The following GPM6A variants were observed in gnomAD, a reference collection of about 807,000 sequenced individuals.
The protein encoded by GPM6A is glycoprotein M6A, also known as neuronal membrane glycoprotein M6-a.
GPM6A carries 7 observed loss-of-function variants against 32.1 expected under a neutral mutation model. That is an observed-to-expected ratio of 0.22 (90% CI 0.12 to 0.41). The LOEUF is 0.41. Among genes scored for constraint, GPM6A ranks in the 10% least tolerant of loss-of-function variants. GPM6A has a pLI of 1.00. For synonymous variants in GPM6A, 130 were observed against 123.4 expected, an observed-to-expected ratio of 1.05 and a Z score of -0.35; for missense variants, 235 against 347.2, an observed-to-expected ratio of 0.68 and a Z score of 2.57.
chr4:175,918,964 G>A (rs1280459757), intron 1 of GPM6A, among the ~76,000 whole-genome samples: 1 of 151,852 alleles, frequency 6.6e-6, no homozygotes, highest in African/African-American at 2.4e-5. Context: ...TATGGAGAAA[G>A]ATTTTTATAT....
intron 4 of GPM6A, among the ~76,000 whole-genome samples, chr4:175,644,202 C>G (rs980846062): frequency 6.9e-5 from 10 of 145,860 alleles, no homozygotes; most frequent in Admixed American, 2.8e-4. Flanking sequence ...CGGCTCACTG[C>G]AAGCTCCGCT....
At chr4:175,786,147 G>A (rs1308142868) in intron 1 of GPM6A, among the ~76,000 whole-genome samples, 1 of 152,066 alleles carries the variant, frequency 6.6e-6, no homozygotes, top group African/African-American at 2.4e-5. Flanking sequence ...ACTTAAAAGT[G>A]CTAGGTGTTT....
intron 2 of GPM6A, among the ~76,000 whole-genome samples, chr4:175,687,201 C>T (rs988893499): frequency 6.6e-6 from 1 of 151,850 alleles, no homozygotes; most frequent in Non-Finnish European, 1.5e-5. Flanking sequence ...GGGATTTACT[C>T]TCTTAACATA....
intron 1 of GPM6A, among the ~76,000 whole-genome samples, chr4:175,913,520 T>C (rs1012259254): frequency 3.3e-5 from 5 of 152,208 alleles, no homozygotes; most frequent in African/African-American, 1.2e-4. Context: ...AGTCCAATCC[T>C]TGCACTAGCC....
chr4:175,769,635 C>T (rs191627721), intron 1 of GPM6A, among the ~76,000 whole-genome samples: 32 of 152,080 alleles, frequency 2.1e-4, no homozygotes, highest in African/African-American at 1.2e-4. Flanking sequence ...CATTAGATTG[C>T]GAGAGGAGCC....
chr4:175,719,085 T>C (rs1440528411), intron 1 of GPM6A, among the ~76,000 whole-genome samples: 1 of 152,222 alleles, frequency 6.6e-6, no homozygotes, highest in Non-Finnish European at 1.5e-5. Context: ...TAATGCAATC[T>C]GGCTTTTTAG....
intron 1 of GPM6A, among the ~76,000 whole-genome samples, chr4:175,724,198 C>G (rs1746285499): frequency 6.6e-6 from 1 of 152,144 alleles, no homozygotes; most frequent in Admixed American, 6.5e-5. Flanking sequence ...GGGAAATAAG[C>G]CAGGTGCAGA....
At chr4:175,803,381 G>A (rs186121151) in intron 1 of GPM6A, among the ~76,000 whole-genome samples, 6 of 152,212 alleles carry the variant, frequency 3.9e-5, no homozygotes, top group African/African-American at 1.4e-4. Flanking sequence ...AGAAATAACT[G>A]TTACAACAAT....
At position 175,753,095 on chromosome 4, in the gene GPM6A, A is replaced by C. The variant is rs1326570220; in HGVS notation, c.38-51328T>G. On this transcript the variant is annotated intron_variant, in intron 1 of 6. Transcript: ENST00000393658. ...TTCATTTCCAGAGATCTGCAACTTT[A>C]TCGTTTTGTCTGTTACAATACATGA... Among the ~76,000 whole-genome samples, 7 of 152,294 alleles carry C rather than the reference A, an allele frequency of 4.6e-5. No homozygotes were observed. In the East Asian group the frequency reaches 1.3e-3, roughly 29 times the overall value.
chr4:175,995,376 TAAAAAAAAAAA>T (rs10541049), intron 1 of GPM6A, among the ~76,000 whole-genome samples: 5 of 96,304 alleles, frequency 5.2e-5, no homozygotes, highest in Admixed American at 1.2e-4. Flanking sequence ...TTTCAATTTG[TAAAAAAAAAAA>T]AAAAAAAAAA....
chr4:175,636,592 C>A (rs1579322146), intron 6 of GPM6A, among the ~76,000 whole-genome samples: 1 of 149,982 alleles, frequency 6.7e-6, no homozygotes, highest in Non-Finnish European at 1.5e-5. Context: ...GGTCAGGAGT[C>A]CAAGACCAGT....
intron 4 of GPM6A, among the ~76,000 whole-genome samples, chr4:175,651,085 C>T (rs377721422): frequency 1.3e-5 from 2 of 152,092 alleles, no homozygotes; most frequent in African/African-American, 2.4e-5. Flanking sequence ...ATTCAACCTG[C>T]GTTGCCCGTG....
intron 1 of GPM6A, among the ~76,000 whole-genome samples, chr4:175,853,383 T>G (rs1017226261): frequency 2.0e-5 from 3 of 152,046 alleles, no homozygotes; most frequent in African/African-American, 4.8e-5. Context: ...TTTCTTTTAT[T>G]CCTTTTTACC....
intron 1 of GPM6A, among the ~76,000 whole-genome samples, chr4:175,910,169 C>G (rs1378170045): frequency 6.6e-6 from 1 of 152,144 alleles, no homozygotes; most frequent in Non-Finnish European, 1.5e-5. Context: ...TAACAACCAT[C>G]TCTCTCAAGC....
Position 175,917,643 on chromosome 4 carries a change from T to C in GPM6A, c.-23+84666A>G, listed in dbSNP as rs1161064761. Among the ~76,000 whole-genome samples the C allele has an allele frequency of 2.0e-5, 3 of 152,092 alleles. No individual in the cohort carries two copies. In the East Asian group the frequency reaches 5.8e-4, roughly 29 times the overall value. On this transcript the variant is annotated intron_variant, in intron 1 of 7. Coordinates refer to the GPM6A transcript ENST00000280187. Reference sequence around the variant, plus strand: ...TCATTCATCCTCCTTGATACAACATTCACCAAATGGGGAGGGGGTTGTCAA... The same window carrying C: ...TCATTCATCCTCCTTGATACAACATCCACCAAATGGGGAGGGGGTTGTCAA...
chr4:175,781,254 G>A (rs565866347), intron 1 of GPM6A: 1 of 152,110 alleles, frequency 6.6e-6, no homozygotes, highest in Non-Finnish European at 1.5e-5. Flanking sequence ...TTCTATCAGA[G>A]GCCCAAGCGG....
intron 1 of GPM6A, among the ~76,000 whole-genome samples, chr4:176,000,046 A>G (rs555077799): frequency 1.7e-3 from 253 of 152,162 alleles, no homozygotes; most frequent in African/African-American, 5.9e-3. Context: ...TCTGGACTGC[A>G]TACTTGAATC....
In GPM6A at chr4:175,638,992, C is replaced by T. The variant is rs202110294; in HGVS notation, c.684+1137G>A. ...TATTTTGATCCCCCCAATTAATCAA[C>T]CAACATGATCCTTATCAAGCGTCTC... is the stretch of plus-strand genomic sequence containing the variant. On this transcript the variant is annotated intron_variant, in intron 6 of 6. Transcript: ENST00000393658. Among the ~76,000 whole-genome samples the T allele has an allele frequency of 1.4e-4, 21 of 152,164 alleles. No individual in the cohort carries two copies. In the East Asian group the frequency reaches 3.5e-3, roughly 25 times the overall value.
intron 1 of GPM6A, among the ~76,000 whole-genome samples, chr4:175,940,375 A>G (rs1739368475): frequency 6.6e-6 from 1 of 152,154 alleles, no homozygotes; most frequent in South Asian, 2.1e-4. Context: ...TTTATTATCA[A>G]ATATTTTACT....
Sources: gnomAD v4.1 joint callset for allele counts (sites outside exome capture counted in the v4.1 genomes callset) on GRCh38, gnomAD v4.1.1 for gene constraint, MANE v1.5 for transcripts, NCBI Gene and HGNC (gene_info 2026-07-23, HGNC 2026-07-21) for gene names.